ABCD3: variants seen among roughly 807,000 people sequenced by gnomAD.
The protein encoded by ABCD3 is ATP binding cassette subfamily D member 3, also known as ATP-binding cassette sub-family D member 3.
ABCD3 carries 41 observed loss-of-function variants against 105.5 expected under a neutral mutation model. That is an observed-to-expected ratio of 0.39 (90% CI 0.30 to 0.50). ABCD3 has a LOEUF of 0.50. ABCD3 is among the 20% of genes least tolerant of loss of function. The pLI is 0.84. For missense variants in ABCD3, 622 were observed against 806.3 expected (o/e 0.77, Z 2.77); for synonymous variants, 258 against 269.0 (o/e 0.96, Z 0.40).
At chr1:94,415,806 C>T (rs1215770974), upstream of ABCD3, among the ~76,000 whole-genome samples, 1 of 152,158 alleles carries the variant, frequency 6.6e-6, no homozygotes, top group Non-Finnish European at 1.5e-5. Context: ...TAGATTTTAC[C>T]TAAACTCCTC....
chr1:94,435,690 A>G (rs753276231), intron 1 of ABCD3, among the ~76,000 whole-genome samples: 2 of 152,268 alleles, frequency 1.3e-5, no homozygotes, highest in Non-Finnish European at 2.9e-5. Flanking sequence ...TTCCACAGAA[A>G]GAAACCTTTT....
intron 16 of ABCD3, among the ~76,000 whole-genome samples, chr1:94,493,547 G>T (rs1649637759): frequency 6.6e-6 from 1 of 151,292 alleles, no homozygotes; most frequent in Admixed American, 6.6e-5. Flanking sequence ...ATTCCTCAGG[G>T]ATCTAGAACT....
rs147032215 is a variant in ABCD3, at chr1:94,496,179, C to G, written c.1387-2423C>G. Among the ~76,000 whole-genome samples, 976 of 152,306 alleles carry G rather than the reference C, an allele frequency of 6.4e-3. 6 individuals are homozygous for G. The highest frequency in any genetic ancestry group is 0.044 in the Middle Eastern group (13 of 294). ...TTACAGTGTTATGCAGCCACCACCA[C>G]TATCCATTTCCAGAACTTTTCCATC... On this transcript the variant is annotated intron_variant, in intron 16 of 22. Transcript: ENST00000370214.
At chr1:94,447,659 T>C (rs955392596) in intron 1 of ABCD3, among the ~76,000 whole-genome samples, 3 of 152,366 alleles carry the variant, frequency 2.0e-5, no homozygotes, top group African/African-American at 7.2e-5. Flanking sequence ...TAATTTGTGC[T>C]GCCCCCTATC....
the ABCD3 span, among the ~76,000 whole-genome samples, chr1:94,393,073 C>T: frequency 6.6e-6 from 1 of 151,878 alleles, no homozygotes; most frequent in African/African-American, 2.4e-5. Context: ...GATCACACCA[C>T]TCCAGCCTGG....
chr1:94,483,350 T>C, intron 10 of ABCD3, 111 bp downstream of exon 10: 2 of 762,122 alleles, frequency 2.6e-6, no homozygotes, highest in East Asian at 2.6e-5. Flanking sequence ...CACGTATGTA[T>C]ACATATCTTA....
intron 4 of ABCD3, among the ~76,000 whole-genome samples, chr1:94,471,966 A>T (rs941820133): frequency 1.3e-5 from 2 of 152,162 alleles, no homozygotes; most frequent in Admixed American, 6.6e-5. Flanking sequence ...GGTAGAAACT[A>T]TACTAATTCC....
intron 5 of ABCD3, among the ~76,000 whole-genome samples, chr1:94,474,322 A>G (rs1022160840): frequency 1.3e-5 from 2 of 151,952 alleles, no homozygotes; most frequent in Non-Finnish European, 2.9e-5. Context: ...TTGAACTACT[A>G]ATTTACTTTA....
the ABCD3 span, among the ~76,000 whole-genome samples, chr1:94,413,035 G>C: frequency 1.3e-5 from 2 of 151,840 alleles, no homozygotes; most frequent in Non-Finnish European, 2.9e-5. Flanking sequence ...CCTGTTTACA[G>C]GTTGTTTTTA....
At chr1:94,445,016 A>G (rs1387233865) in intron 1 of ABCD3, among the ~76,000 whole-genome samples, 2 of 152,230 alleles carry the variant, frequency 1.3e-5, no homozygotes, top group South Asian at 2.1e-4. Flanking sequence ...CCTTAAGGAC[A>G]TGTTCCTGCT....
intron 13 of ABCD3, among the ~76,000 whole-genome samples, chr1:94,488,235 G>A (rs1376431200): frequency 6.6e-6 from 1 of 151,992 alleles, no homozygotes; most frequent in Admixed American, 6.6e-5. Flanking sequence ...TGCTAAGTTG[G>A]GAAATGTTGA....
chr1:94,480,942 A>G (rs1023873397), intron 9 of ABCD3, among the ~76,000 whole-genome samples: 1 of 152,070 alleles, frequency 6.6e-6, no homozygotes, highest in Admixed American at 6.6e-5. Context: ...TTTTTCCACA[A>G]ATATTTTTAT....
chr1:94,478,525 T>C (rs1340809754), intron 8 of ABCD3: 4 of 1,589,954 alleles, frequency 2.5e-6, no homozygotes, highest in African/African-American at 1.3e-5. Context: ...TTAAATTAGG[T>C]ACTTGGAAAA....
At chr1:94,458,005 G>A (rs369513008) in intron 1 of ABCD3, among the ~76,000 whole-genome samples, 47 of 152,274 alleles carry the variant, frequency 3.1e-4, no homozygotes, top group African/African-American at 9.4e-4. Flanking sequence ...ATGGTAGTGC[G>A]TTATGGAAAG....
intron 8 of ABCD3, 137 bp from the exon 9 acceptor site, chr1:94,480,327 A>C: frequency 9.6e-7 from 1 of 1,041,760 alleles, no homozygotes; most frequent in Non-Finnish European, 1.4e-6. Context: ...GAAAAAAAAC[A>C]AAGGGAAAAA....
intron 1 of ABCD3, among the ~76,000 whole-genome samples, chr1:94,454,545 A>G (rs915812398): frequency 7.2e-5 from 11 of 152,128 alleles, no homozygotes; most frequent in Admixed American, 4.6e-4. Flanking sequence ...GAAAGGGTAG[A>G]TAGTTGATTT....
At chr1:94,472,766 G>T (rs1648547918) in intron 4 of ABCD3, among the ~76,000 whole-genome samples, 1 of 152,272 alleles carries the variant, frequency 6.6e-6, no homozygotes, top group African/African-American at 2.4e-5. Context: ...TAATTTTTGT[G>T]TGTGCGTGGG....
At chr1:94,431,889 T>C (rs1659697034) in intron 1 of ABCD3, among the ~76,000 whole-genome samples, 1 of 152,186 alleles carries the variant, frequency 6.6e-6, no homozygotes, top group Admixed American at 6.5e-5. Flanking sequence ...GACTCGTGAC[T>C]TTTTACCCCA....
intron 1 of ABCD3, among the ~76,000 whole-genome samples, chr1:94,449,576 T>A (rs1660493250): frequency 6.6e-6 from 1 of 152,214 alleles, no homozygotes; most frequent in East Asian, 1.9e-4. Context: ...GCTCCTATAA[T>A]TGAGGCATAC....
Sources: allele counts gnomAD v4.1 joint callset (sites outside exome capture counted in the v4.1 genomes callset), GRCh38; gene constraint gnomAD v4.1.1; transcripts MANE v1.5; gene names NCBI Gene and HGNC (gene_info 2026-07-23, HGNC 2026-07-21).